SNTG1: variants seen among roughly 807,000 people sequenced by gnomAD.
SNTG1 encodes gamma-1-syntrophin.
A neutral mutation model predicts 74.7 loss-of-function variants in SNTG1; 39 were observed. The ratio of observed to expected loss-of-function variants is 0.52; its 90% CI spans 0.40 to 0.68. The LOEUF (loss-of-function observed/expected upper bound fraction) is 0.68. Among genes scored for constraint, SNTG1 ranks in the 30% least tolerant of loss-of-function variants. The probability of loss-of-function intolerance (pLI) is 0.00; values close to 1 mark genes in which losing one functional copy is unlikely to be tolerated. For missense variants in SNTG1, 685 were observed against 609.5 expected, an observed-to-expected ratio of 1.12 and a Z score of -1.30; for synonymous variants, 254 against 217.1, an observed-to-expected ratio of 1.17 and a Z score of -1.49.
At chr8:50,095,565 A>G (rs1232047552) in intron 1 of SNTG1, among the ~76,000 whole-genome samples, 1 of 152,178 alleles carries the variant, frequency 6.6e-6, no homozygotes, top group Non-Finnish European at 1.5e-5. Flanking sequence ...TCCACATAAG[A>G]TATGATCCTG....
At chr8:50,043,255 AC>A (rs1376424491) in intron 1 of SNTG1, among the ~76,000 whole-genome samples, 1 of 152,204 alleles carries the variant, frequency 6.6e-6, no homozygotes, top group Non-Finnish European at 1.5e-5. Context: ...CAGGAATATG[AC>A]TTTTTATAAG....
chr8:49,930,628 A>C (rs1398875885), intron 1 of SNTG1, among the ~76,000 whole-genome samples: 3 of 152,088 alleles, frequency 2.0e-5, no homozygotes, highest in African/African-American at 7.2e-5. Flanking sequence ...TTTCTATTTG[A>C]AACCAGGAAC....
At chr8:50,021,947 AAT>A (rs146182643) in intron 1 of SNTG1, among the ~76,000 whole-genome samples, 85,185 of 131,884 alleles carry the variant, frequency 0.65, 28,581 homozygotes, top group East Asian at 0.87. Flanking sequence ...TCAAAAAAAA[AAT>A]AAAAATAAAA....
intron 15 of SNTG1, among the ~76,000 whole-genome samples, chr8:50,700,499 C>T (rs1585578509): frequency 6.6e-6 from 1 of 152,166 alleles, no homozygotes; most frequent in Non-Finnish European, 1.5e-5. Flanking sequence ...TCTTAGCCAT[C>T]TAAAGCTTAG....
chr8:50,790,988 C>A (rs2095689177), intron 18 of SNTG1, among the ~76,000 whole-genome samples: 1 of 152,032 alleles, frequency 6.6e-6, no homozygotes, highest in African/African-American at 2.4e-5. Flanking sequence ...CTCCTCCTTA[C>A]CAAGAATGAA....
chr8:50,283,776 G>A (rs1448997603), intron 2 of SNTG1, among the ~76,000 whole-genome samples: 5 of 151,984 alleles, frequency 3.3e-5, no homozygotes, highest in Non-Finnish European at 7.4e-5. Context: ...TCTTGATGTA[G>A]GCATAATATG....
intron 1 of SNTG1, among the ~76,000 whole-genome samples, chr8:49,924,148 A>G (rs1806809746): frequency 6.6e-6 from 1 of 152,206 alleles, no homozygotes; most frequent in Non-Finnish European, 1.5e-5. Flanking sequence ...CTAATAGGGT[A>G]TCAAAGCTGA....
intron 17 of SNTG1, among the ~76,000 whole-genome samples, chr8:50,718,725 C>T (rs1427457683): frequency 1.3e-5 from 2 of 152,144 alleles, no homozygotes; most frequent in African/African-American, 4.8e-5. Context: ...CAGATCAGCC[C>T]GGTCCATAGA....
At chr8:50,069,583 A>ATTT (rs71235778) in intron 1 of SNTG1, among the ~76,000 whole-genome samples, 3 of 67,078 alleles carry the variant, frequency 4.5e-5, no homozygotes, top group Non-Finnish European at 7.5e-5. Flanking sequence ...ATTGGGAGGA[A>ATTT]TTTTTTTTTT....
At chr8:50,555,198 G>A (rs1200498801) in intron 12 of SNTG1, among the ~76,000 whole-genome samples, 1 of 152,172 alleles carries the variant, frequency 6.6e-6, no homozygotes, top group African/African-American at 2.4e-5. Flanking sequence ...CTATACTACT[G>A]TTTTAACTGT....
At chr8:50,564,598 C>G (rs924893781) in intron 12 of SNTG1, among the ~76,000 whole-genome samples, 2 of 152,130 alleles carry the variant, frequency 1.3e-5, no homozygotes, top group African/African-American at 2.4e-5. Flanking sequence ...GAAAATCTAG[C>G]TTCTCAGTTT....
At chr8:50,690,325 TTTAA>T (rs1287921619) in intron 15 of SNTG1, among the ~76,000 whole-genome samples, 1 of 152,184 alleles carries the variant, frequency 6.6e-6, no homozygotes, top group East Asian at 1.9e-4. Context: ...CTCTAGTTCT[TTTAA>T]TTGTGATGTT....
chr8:50,148,933 G>C (rs113496193), intron 1 of SNTG1, among the ~76,000 whole-genome samples: 3,065 of 152,210 alleles, frequency 0.02, 95 homozygotes, highest in African/African-American at 0.067. Flanking sequence ...ATGGCTGGGT[G>C]AAATGGTATT....
rs1820449035 is a variant in SNTG1 at position 50,061,277 on chromosome 8, G to A, written c.-102-111284G>A. 2.0e-5 allele frequency among the ~76,000 whole-genome samples: 3 copies of A among 152,098 alleles called. 1 individual carries two copies. The South Asian group carries it at 6.2e-4, about 32-fold the overall frequency. ...TATCCTTTTTGATTGAGTTTTTACA[G>A]TTTGTAGTTTTCTGTCGAACTTCTG... On this transcript the variant is annotated intron_variant, in intron 1 of 18. Coordinates refer to ENST00000642720, the MANE Select transcript of SNTG1 (RefSeq NM_018967.5).
chr8:50,450,847 T>A (rs1156860063), intron 8 of SNTG1, 118 bp downstream of exon 8: 15 of 979,702 alleles, frequency 1.5e-5, no homozygotes, highest in Non-Finnish European at 2.1e-5. Context: ...CAGTTTGATA[T>A]CAAATTTTCA....
chr8:50,711,626 TG>T (rs1165149792), intron 17 of SNTG1, among the ~76,000 whole-genome samples: 2 of 152,186 alleles, frequency 1.3e-5, no homozygotes, highest in Non-Finnish European at 2.9e-5. Context: ...TATAGAGGGA[TG>T]TCTGGGAATG....
chr8:50,022,258 A>G (rs564049731), intron 1 of SNTG1, among the ~76,000 whole-genome samples: 22 of 152,186 alleles, frequency 1.4e-4, no homozygotes, highest in Non-Finnish European at 2.4e-4. Flanking sequence ...TAAATGAGAT[A>G]ATAATGCCTA....
intron 1 of SNTG1, among the ~76,000 whole-genome samples, chr8:49,928,405 A>G (rs2129352736): frequency 6.6e-6 from 1 of 151,774 alleles, no homozygotes; most frequent in East Asian, 2.0e-4. Context: ...CAATTTTTTT[A>G]TTTTTAGTAG....
intron 1 of SNTG1, among the ~76,000 whole-genome samples, chr8:49,966,347 C>A (rs1455086784): frequency 6.6e-6 from 1 of 151,238 alleles, no homozygotes; most frequent in East Asian, 1.9e-4. Context: ...TTTGTTTTTC[C>A]TGTTTAAAAA....
Sources: allele counts gnomAD v4.1 joint callset (sites outside exome capture counted in the v4.1 genomes callset), GRCh38; gene constraint gnomAD v4.1.1; transcripts MANE v1.5; gene names NCBI Gene and HGNC (gene_info 2026-07-23, HGNC 2026-07-21).